Variants in MARCHF8 observed in about 807,000 individuals in gnomAD.
The protein encoded by MARCHF8 is membrane associated ring-CH-type finger 8.
In MARCHF8, 40 loss-of-function variants were observed where a neutral mutation model predicts 51.6. The observed-to-expected ratio is 0.77, with a 90% CI of 0.60 to 1.01. MARCHF8 has a LOEUF of 1.01. Ranked by LOEUF, MARCHF8 falls within the 50% of genes least tolerant of loss-of-function variation. The pLI, the probability that MARCHF8 is intolerant of heterozygous loss-of-function variation, is 0.00. For synonymous variants in MARCHF8, 263 were observed against 280.3 expected (o/e 0.94, Z 0.62); for missense variants, 685 against 708.6 (o/e 0.97, Z 0.38).
intron 2 of MARCHF8, among the ~76,000 whole-genome samples, chr10:45,507,027 TA>T (rs1382494093): frequency 6.6e-6 from 1 of 152,202 alleles, no homozygotes; most frequent in Non-Finnish European, 1.5e-5. Context: ...TACACACAGT[TA>T]AAGTTGTGTT....
chr10:45,531,382 T>C (rs1447401091), intron 2 of MARCHF8, among the ~76,000 whole-genome samples: 4 of 152,124 alleles, frequency 2.6e-5, no homozygotes, highest in Non-Finnish European at 5.9e-5. Flanking sequence ...AGAAAAATGA[T>C]AGATGGAAAT....
At chr10:45,511,499 A>C (rs1194223513) in intron 2 of MARCHF8, among the ~76,000 whole-genome samples, 1 of 151,714 alleles carries the variant, frequency 6.6e-6, no homozygotes, top group African/African-American at 2.4e-5. Flanking sequence ...GCTCACTGCA[A>C]CCTCCCTGCC....
At chr10:45,575,624 A>C (rs762203736) in intron 1 of MARCHF8, among the ~76,000 whole-genome samples, 8 of 152,050 alleles carry the variant, frequency 5.3e-5, no homozygotes, top group Non-Finnish European at 1.0e-4. Flanking sequence ...TATCCATACC[A>C]GCCCCAAAAA....
In MARCHF8 at chr10:45,467,278, A is replaced by C. The variant is rs193141674; in HGVS notation, c.154-2951T>G. ...CTTATTAGATCACAGAATTTAAAGA[A>C]AAATTTTAAAATCTACTTATTGTTA... On this transcript the variant is annotated intron_variant, in intron 3 of 7. Coordinates refer to ENST00000453424, the MANE Select transcript of MARCHF8 (RefSeq NM_001282866.2). 6.1e-4 allele frequency among the ~76,000 whole-genome samples: 93 copies of C among 152,342 alleles called. No homozygotes were observed. The South Asian group carries it at 8.5e-3, about 14-fold the overall frequency.
intron 2 of MARCHF8, 76 bp from the exon 3 acceptor site, chr10:45,489,493 A>C (rs2043044634): frequency 5.5e-6 from 7 of 1,280,238 alleles, no homozygotes; most frequent in South Asian, 1.2e-5. Context: ...TGATCACAAC[A>C]ACCCTACTGA....
At chr10:45,586,307 T>C (rs1450634959) in intron 1 of MARCHF8, among the ~76,000 whole-genome samples, 2 of 152,176 alleles carry the variant, frequency 1.3e-5, no homozygotes, top group African/African-American at 2.4e-5. Flanking sequence ...AATCAAATCA[T>C]ACAGAATGTA....
At chr10:45,468,891 G>A (rs1199674146) in intron 3 of MARCHF8, among the ~76,000 whole-genome samples, 1 of 152,054 alleles carries the variant, frequency 6.6e-6, no homozygotes, top group Admixed American at 6.5e-5. Flanking sequence ...GAGAGCAAAT[G>A]GTAAACCTCC....
At chr10:45,494,325 G>A (rs1349383924) in intron 2 of MARCHF8, among the ~76,000 whole-genome samples, 3 of 152,144 alleles carry the variant, frequency 2.0e-5, no homozygotes, top group East Asian at 1.9e-4. Flanking sequence ...TTATCAAGAA[G>A]ACAACGAGGT....
intron 1 of MARCHF8, among the ~76,000 whole-genome samples, chr10:45,544,949 C>T (rs1000635127): frequency 5.3e-5 from 8 of 152,048 alleles, no homozygotes; most frequent in Admixed American, 2.0e-4. Context: ...AGCAGTGTTC[C>T]TTCAGTCCCC....
chr10:45,504,657 T>C (rs919168589), intron 2 of MARCHF8, among the ~76,000 whole-genome samples: 4 of 152,234 alleles, frequency 2.6e-5, no homozygotes, highest in African/African-American at 9.6e-5. Flanking sequence ...CCATACAGTA[T>C]GAATTTCATT....
exon 1 of MARCHF8, chr10:45,594,381 T>A (rs920248985): frequency 9.9e-5 from 15 of 152,194 alleles, no homozygotes; most frequent in African/African-American, 3.6e-4. Context: ...CGGGCCAACG[T>A]CTCACAGCCG....
chr10:45,536,484 C>T (rs1396665200), upstream of MARCHF8, among the ~76,000 whole-genome samples: 3 of 151,868 alleles, frequency 2.0e-5, no homozygotes, highest in Admixed American at 1.3e-4. Context: ...ATGGTTCACA[C>T]CTATAATCCC....
At position 45,463,712 on chromosome 10, in the gene MARCHF8, T is replaced by G; in HGVS notation, c.527A>C (p.Glu176Ala). The G allele has an allele frequency of 6.4e-7, 1 of 1,551,142 alleles. No individual in the cohort carries two copies. Among genetic ancestry groups the G allele is most frequent in the Non-Finnish European group, 8.7e-7 (1 of 1,147,110 alleles). ...TAATTTCCCTTCAGAACAAGTTCTT[T>G]CCACATAGGCAAAACTTTCTGAAGT... ...QDTSESFAYV[E>A]RTCSEGKLIL... Residue 176 changes from glutamate (E) to alanine (A), a missense_variant, in exon 5 of 8, where the codon GAA (glutamate) becomes GCA (alanine). Physicochemically the swap from Glu to Ala is moderately radical, Grantham distance 107. Coordinates refer to ENST00000453424, the MANE Select transcript of MARCHF8 (RefSeq NM_001282866.2).
intron 2 of MARCHF8, among the ~76,000 whole-genome samples, chr10:45,517,883 T>C (rs182706291): frequency 4.7e-4 from 71 of 152,326 alleles, no homozygotes; most frequent in African/African-American, 1.6e-3. Flanking sequence ...ATTTGCAATG[T>C]TTTTTCATGA....
At chr10:45,506,868 A>C (rs150613925) in intron 2 of MARCHF8, among the ~76,000 whole-genome samples, 61 of 152,306 alleles carry the variant, frequency 4.0e-4, no homozygotes, top group Middle Eastern at 6.8e-3. Flanking sequence ...GGCGATCTGG[A>C]TGTATACATG....
In MARCHF8 at chr10:45,464,269, G is replaced by T. The variant is rs150538533; in HGVS notation, c.212C>A (p.Ser71Tyr). 3.1e-6 allele frequency: 5 copies of T among 1,614,104 alleles called. No homozygotes were observed. The highest frequency in any genetic ancestry group is 2.7e-5 in the African/African-American group (2 of 74,938). Residue 71 changes from serine to tyrosine, a missense_variant, in exon 4 of 8, where the codon TCT becomes TAT. Transcript: ENST00000453424. ...PAPVSSFSRTSITPSSQDICS... is the reference protein window; with the variant it reads ...PAPVSSFSRTYITPSSQDICS... Reference sequence around the variant, plus strand: ...GATGTCCTGGCTGGATGGCGTGATAGAAGTGCGAGAGAAGGAGGACACCGG... The same window carrying T: ...GATGTCCTGGCTGGATGGCGTGATATAAGTGCGAGAGAAGGAGGACACCGG...
chr10:45,575,630 A>C (rs141229049), intron 1 of MARCHF8, among the ~76,000 whole-genome samples: 5,344 of 152,218 alleles, frequency 0.035, 140 homozygotes, highest in East Asian at 0.052. Context: ...TACCAGCCCC[A>C]AAAATTTTCG....
intron 2 of MARCHF8, among the ~76,000 whole-genome samples, chr10:45,497,803 T>C (rs2043199742): frequency 6.6e-6 from 1 of 152,134 alleles, no homozygotes; most frequent in South Asian, 2.1e-4. Context: ...AGGGGGATAT[T>C]TATAGCTGTA....
chr10:45,505,973 A>G (rs2043374832), intron 2 of MARCHF8, among the ~76,000 whole-genome samples: 2 of 152,302 alleles, frequency 1.3e-5, no homozygotes, highest in South Asian at 4.1e-4. Context: ...CTGCGTGTCT[A>G]TGTGTAATTC....
Sources: gnomAD v4.1 joint callset for allele counts (sites outside exome capture counted in the v4.1 genomes callset) on GRCh38, gnomAD v4.1.1 for gene constraint, MANE v1.5 for transcripts, NCBI Gene and HGNC (gene_info 2026-07-23, HGNC 2026-07-21) for gene names.